DGLUCY: variants seen among roughly 807,000 people sequenced by gnomAD.
The protein encoded by DGLUCY is D-glutamate cyclase, also known as D-glutamate cyclase, mitochondrial.
A neutral mutation model predicts 58.5 loss-of-function variants in DGLUCY; 58 were observed. The ratio of observed to expected loss-of-function variants is 0.99; its 90% CI spans 0.80 to 1.23. The LOEUF is 1.23. Ranked by LOEUF, DGLUCY falls within the 50% of genes most tolerant of loss-of-function variation. The probability of loss-of-function intolerance (pLI) is 0.00; values close to 1 mark genes in which losing one functional copy is unlikely to be tolerated. For synonymous variants in DGLUCY, 325 were observed against 314.1 expected, an observed-to-expected ratio of 1.03 and a Z score of -0.37; for missense variants, 779 against 784.7, an observed-to-expected ratio of 0.99 and a Z score of 0.09.
At position 91,172,275 on chromosome 14, in the gene DGLUCY, C is replaced by T. The variant is rs182631790; in HGVS notation, c.457-1014C>T. Among the ~76,000 whole-genome samples the T allele has an allele frequency of 3.2e-4, 48 of 152,106 alleles. 2 individuals are homozygous for T. The East Asian group carries it at 8.2e-3, about 26-fold the overall frequency. On this transcript the variant is annotated intron_variant, in intron 5 of 13. Coordinates refer to ENST00000256324, the MANE Select transcript of DGLUCY (RefSeq NM_001102368.3). ...GTTTTTTTTGGTAGAGACAGGGTTTCGCTGTATTGCCCAGGCTGGTCTTGA... is the reference window on the plus strand; with the variant it reads ...GTTTTTTTTGGTAGAGACAGGGTTTTGCTGTATTGCCCAGGCTGGTCTTGA...
intron 1 of DGLUCY, among the ~76,000 whole-genome samples, chr14:91,156,023 G>T (rs1237485663): frequency 1.3e-5 from 2 of 152,016 alleles, no homozygotes; most frequent in African/African-American, 2.4e-5. Flanking sequence ...CAGAACATGG[G>T]CATGTCGGTT....
At chr14:91,124,549 G>A (rs1411398028) in intron 1 of DGLUCY, among the ~76,000 whole-genome samples, 2 of 152,198 alleles carry the variant, frequency 1.3e-5, no homozygotes, top group African/African-American at 4.8e-5. Context: ...GAAAGTGCTG[G>A]TGGAAGGCCG....
chr14:91,071,036 A>G (rs1169011376), intron 1 of DGLUCY, among the ~76,000 whole-genome samples: 1 of 152,166 alleles, frequency 6.6e-6, no homozygotes. Flanking sequence ...TTGTCCCTTA[A>G]GAAGTCTAAA....
intron 1 of DGLUCY, among the ~76,000 whole-genome samples, chr14:91,091,717 G>A (rs764120835): frequency 3.3e-5 from 5 of 152,110 alleles, no homozygotes; most frequent in Non-Finnish European, 5.9e-5. Flanking sequence ...AAGACGCCCA[G>A]GTGCTGTCGT....
chr14:91,125,282 G>A (rs935651992), intron 1 of DGLUCY, among the ~76,000 whole-genome samples: 6 of 152,198 alleles, frequency 3.9e-5, no homozygotes, highest in Admixed American at 2.0e-4. Context: ...TTACGGCACC[G>A]GGGAACAAGC....
chr14:91,111,200 A>ATGTGTGTG (rs1183383205), upstream of DGLUCY, among the ~76,000 whole-genome samples: 496 of 79,138 alleles, frequency 6.3e-3, 14 homozygotes, highest in African/African-American at 0.013. Flanking sequence ...TTATTTATAT[A>ATGTGTGTG]TATGTGTGTG....
chr14:91,171,609 GTTCC>G (rs1262765423), intron 5 of DGLUCY, among the ~76,000 whole-genome samples: 1 of 152,216 alleles, frequency 6.6e-6, no homozygotes, highest in African/African-American at 2.4e-5. Context: ...CCACACCGAG[GTTCC>G]ATCCTGCTGC....
At chr14:91,070,041 A>T (rs1413385712) in intron 1 of DGLUCY, among the ~76,000 whole-genome samples, 1 of 152,198 alleles carries the variant, frequency 6.6e-6, no homozygotes, top group East Asian at 1.9e-4. Context: ...AGTATAGGTG[A>T]TCTACAGATA....
chr14:91,069,196 C>T (rs1325506400), intron 1 of DGLUCY, among the ~76,000 whole-genome samples: 1 of 152,198 alleles, frequency 6.6e-6, no homozygotes, highest in Non-Finnish European at 1.5e-5. Flanking sequence ...AAGGAAAATG[C>T]AGACCTCAGA....
At chr14:91,081,527 T>A (rs1409081036) in intron 1 of DGLUCY, among the ~76,000 whole-genome samples, 1 of 152,110 alleles carries the variant, frequency 6.6e-6, no homozygotes, top group East Asian at 1.9e-4. Context: ...AGACATCTTA[T>A]AGTTCTGGAA....
chr14:91,139,411 G>C (rs979996620), intron 1 of DGLUCY, among the ~76,000 whole-genome samples: 3 of 152,184 alleles, frequency 2.0e-5, no homozygotes, highest in Non-Finnish European at 4.4e-5. Context: ...CAGACCGGGC[G>C]TGTTGGCTCA....
intron 1 of DGLUCY, among the ~76,000 whole-genome samples, chr14:91,146,167 T>C (rs528802031): frequency 1.3e-5 from 2 of 152,310 alleles, no homozygotes; most frequent in East Asian, 3.9e-4. Context: ...CCACCATGCC[T>C]GGCCCATGCC....
chr14:91,097,504 G>A (rs1302689016), intron 1 of DGLUCY, among the ~76,000 whole-genome samples: 1 of 152,182 alleles, frequency 6.6e-6, no homozygotes, highest in Non-Finnish European at 1.5e-5. Context: ...TTAGGTGAAT[G>A]TGTATGTTTG....
At chr14:91,169,899 C>T in intron 4 of DGLUCY, 104 bp from the exon 5 acceptor site, 2 of 1,245,432 alleles carry the variant, frequency 1.6e-6, no homozygotes, top group Non-Finnish European at 2.3e-6. Flanking sequence ...CTGAAAATTT[C>T]AGCACTAGAC....
chr14:91,215,581 G>A lies in DGLUCY; in HGVS notation c.1716+25G>A, dbSNP rs563019448. ...GGTAACAAACCCCAGCCAGCCGCTCGCCTGGAAGCAGCTTTTACCCTGGAT... is the reference window on the plus strand; with the variant it reads ...GGTAACAAACCCCAGCCAGCCGCTCACCTGGAAGCAGCTTTTACCCTGGAT... On this transcript the variant is annotated intron_variant, in intron 13 of 13. Coordinates refer to ENST00000256324, the MANE Select transcript of DGLUCY (RefSeq NM_001102368.3). 69 of 1,613,184 alleles carry A rather than the reference G, an allele frequency of 4.3e-5. No homozygotes were observed. The Admixed American group carries it at 6.5e-4, about 15-fold the overall frequency.
At chr14:91,104,400 G>C (rs1428348454), upstream of DGLUCY, among the ~76,000 whole-genome samples, 2 of 152,076 alleles carry the variant, frequency 1.3e-5, no homozygotes, top group Non-Finnish European at 2.9e-5. Flanking sequence ...GAAGGGTGTT[G>C]CTACCAGCAT....
chr14:91,192,777 C>G (rs1308325077), intron 9 of DGLUCY, among the ~76,000 whole-genome samples: 4 of 152,140 alleles, frequency 2.6e-5, no homozygotes, highest in African/African-American at 9.7e-5. Flanking sequence ...GCACTCCAGC[C>G]TGGGTGACAG....
chr14:91,186,801 T>G (rs1271892930), intron 8 of DGLUCY, among the ~76,000 whole-genome samples: 2 of 152,132 alleles, frequency 1.3e-5, no homozygotes, highest in African/African-American at 2.4e-5. Context: ...GCACACTATG[T>G]GATGGGCCAT....
chr14:91,123,407 T>C (rs2045497833), intron 1 of DGLUCY, among the ~76,000 whole-genome samples: 1 of 152,004 alleles, frequency 6.6e-6, no homozygotes. Context: ...CTTGTGAATA[T>C]TTAGAAACGG....
Sources: allele counts gnomAD v4.1 joint callset (sites outside exome capture counted in the v4.1 genomes callset), GRCh38; gene constraint gnomAD v4.1.1; transcripts MANE v1.5; gene names NCBI Gene and HGNC (gene_info 2026-07-23, HGNC 2026-07-21).